AGAP1: variants seen among roughly 807,000 people sequenced by gnomAD.
AGAP1 encodes the protein arf-GAP with GTPase, ANK repeat and PH domain-containing protein 1.
A neutral mutation model predicts 105.3 loss-of-function variants in AGAP1; 29 were observed. That is an observed-to-expected ratio of 0.28 (90% CI 0.21 to 0.38). AGAP1 has a LOEUF of 0.38. Among genes scored for constraint, AGAP1 ranks in the 10% least tolerant of loss-of-function variants. AGAP1 has a pLI of 1.00. For synonymous variants in AGAP1, 509 were observed against 485.9 expected, an observed-to-expected ratio of 1.05 and a Z score of -0.63; for missense variants, 998 against 1,165.1, an observed-to-expected ratio of 0.86 and a Z score of 2.09.
chr2:235,523,360 T>C (rs1386256753), intron 1 of AGAP1, among the ~76,000 whole-genome samples: 1 of 152,200 alleles, frequency 6.6e-6, no homozygotes, highest in African/African-American at 2.4e-5. Context: ...CAGGAGGCTC[T>C]TGGGGAGAAA....
rs976282537 is a variant in AGAP1 at position 236,041,321 on chromosome 2, T to G, written c.1891+480T>G. ...TAATTGGTTCATTCCTGCCTAGAGA[T>G]TCTTGGGTATTGTTTTTTTAAATTC... is the stretch of plus-strand genomic sequence containing the variant. On this transcript the variant is annotated intron_variant, in intron 15 of 17. Coordinates refer to ENST00000304032, the MANE Select transcript of AGAP1 (RefSeq NM_001037131.3). Among the ~76,000 whole-genome samples, 63 of 152,106 alleles carry G rather than the reference T, an allele frequency of 4.1e-4. 1 individual carries two copies. The highest frequency in any genetic ancestry group is 8.8e-5 in the Non-Finnish European group (6 of 68,022).
chr2:235,905,011 C>T lies in AGAP1; in HGVS notation c.1156-3727C>T, dbSNP rs6729846. On this transcript the variant is annotated intron_variant, in intron 10 of 17. Transcript: ENST00000304032. The surrounding 1 kb of genome is among the most constrained non-coding windows in gnomAD (Gnocchi z 4.2). ...AGAGCTAGTTCTTCTGAGGTTGTAA[C>T]GCCTAACTCAGGCAAGAAAACAGAT... Among the ~76,000 whole-genome samples, 117,828 of 151,998 alleles carry T rather than the reference C, an allele frequency of 0.78. 45,773 individuals carry two copies. Among genetic ancestry groups the T allele is most frequent in the East Asian group, 0.98 (5,077 of 5,176 alleles).
Position 235,968,588 on chromosome 2 carries a change from A to C in AGAP1, c.1610A>C (p.Asn537Thr). Reference protein sequence around the residue: ...KKHRRKKSTSNFKADGLSGTA... With the variant: ...KKHRRKKSTSTFKADGLSGTA... Reference sequence around the variant, plus strand: ...CACCGAAGGAAGAAAAGCACTAGCAACTTCAAAGCCGACGGCCTGTCCGGC... The same window carrying C: ...CACCGAAGGAAGAAAAGCACTAGCACCTTCAAAGCCGACGGCCTGTCCGGC... Residue 537 changes from asparagine (N) to threonine (T), a missense_variant, in exon 13 of 18, where the codon AAC (asparagine) becomes ACC (threonine). Asn to Thr is a moderately conservative substitution (Grantham distance 65, BLOSUM62 0). Around this residue, in one of 3 missense-constraint regions of AGAP1, gnomAD observed 735 missense variants for 833.4 expected, o/e 0.88. Coordinates refer to ENST00000304032, the MANE Select transcript of AGAP1 (RefSeq NM_001037131.3). 7.0e-7 allele frequency: 1 copy of C among 1,434,372 alleles called. No individual in the cohort carries two copies. The highest frequency in any genetic ancestry group is 9.4e-7 in the Non-Finnish European group (1 of 1,068,134). 88.9% of individuals were successfully genotyped at this position (1,434,372 alleles called of 1,614,324 possible). A position where few individuals can be genotyped will look rare whatever the true frequency, so the allele number is the denominator to read the frequency against.
intron 1 of AGAP1, among the ~76,000 whole-genome samples, chr2:235,680,635 T>C (rs2149395865): frequency 1.3e-5 from 2 of 152,210 alleles, no homozygotes; most frequent in East Asian, 1.9e-4. Flanking sequence ...TGACTGGTGC[T>C]GACAGGGTGA....
At chr2:235,998,871 G>T (rs922423438) in intron 13 of AGAP1, among the ~76,000 whole-genome samples, 5 of 151,026 alleles carry the variant, frequency 3.3e-5, no homozygotes, top group East Asian at 2.0e-4. Context: ...GTGAGAGTTG[G>T]TGGTGGTGGT....
At chr2:235,759,384 T>C (rs1374814427) in intron 6 of AGAP1, among the ~76,000 whole-genome samples, 1 of 151,578 alleles carries the variant, frequency 6.6e-6, no homozygotes, top group African/African-American at 2.4e-5. Flanking sequence ...TTAGCCAGGA[T>C]GGTCTTGATC....
intron 12 of AGAP1, among the ~76,000 whole-genome samples, chr2:235,938,814 G>A (rs544578916): frequency 2.2e-4 from 33 of 152,242 alleles, no homozygotes; most frequent in African/African-American, 7.2e-4. Context: ...AACACCTAGC[G>A]TGGCTGAAAA....
intron 9 of AGAP1, among the ~76,000 whole-genome samples, chr2:235,810,762 G>T (rs557540609): frequency 8.6e-5 from 13 of 151,922 alleles, no homozygotes; most frequent in South Asian, 8.4e-4. Flanking sequence ...ATTTCTTGTG[G>T]ACCTGGGTCT....
Position 236,098,618 on chromosome 2 carries a change from TCC to T in AGAP1, c.2115-21573_2115-21572del, listed in dbSNP as rs1273164822. Among the ~76,000 whole-genome samples the T allele has an allele frequency of 5.6e-3, 491 of 86,928 alleles. 4 individuals carry two copies. The highest frequency in any genetic ancestry group is 0.024 in the Middle Eastern group (3 of 126). 57.0% of individuals were successfully genotyped at this position (86,928 alleles called of 152,430 possible). A position where few individuals can be genotyped will look rare whatever the true frequency, so the allele number is the denominator to read the frequency against. On this transcript the variant is annotated intron_variant, in intron 16 of 17. Transcript: ENST00000304032. ...TGGCTGACTTGATGAAATCTTTTTT[TCC>T]TTTTTTTTTTTTTTTTTTTAGAGAA...
intron 13 of AGAP1, among the ~76,000 whole-genome samples, chr2:236,004,302 G>A (rs991994322): frequency 1.3e-5 from 2 of 152,016 alleles, no homozygotes; most frequent in South Asian, 2.1e-4. Context: ...CAGCTTTACC[G>A]AACTTTGTCA....
intron 1 of AGAP1, among the ~76,000 whole-genome samples, chr2:235,564,804 G>C (rs373391035): frequency 2.6e-5 from 3 of 115,040 alleles, no homozygotes; most frequent in African/African-American, 7.0e-5. Context: ...GCCTGGACCA[G>C]CACCCACGGC....
rs558320183 is a variant in AGAP1, at chr2:236,056,326, G to A, written c.2114+7045G>A. 3.3e-5 allele frequency among the ~76,000 whole-genome samples: 5 copies of A among 152,280 alleles called. No homozygotes were observed. The highest frequency in any genetic ancestry group is 1.9e-4 in the East Asian group (1 of 5,180). ...TGTGCTTGGAGCCGGCTTTGCTACC[G>A]CAGAGCTGTCTAGGGTTGAAAATCC... On this transcript the variant is annotated intron_variant, in intron 16 of 17. Coordinates refer to ENST00000304032, the MANE Select transcript of AGAP1 (RefSeq NM_001037131.3). This position sits in a 1 kb window ranked among gnomAD's most constrained non-coding sequence, Gnocchi z 4.6.
At chr2:235,832,570 A>G (rs1378836617) in intron 9 of AGAP1, among the ~76,000 whole-genome samples, 1 of 152,232 alleles carries the variant, frequency 6.6e-6, no homozygotes, top group East Asian at 1.9e-4. Context: ...TATAAGTTAT[A>G]TATTGTAGAC....
rs1001257055 is a variant in AGAP1 at position 235,494,769 on chromosome 2, A to T, written c.83A>T (p.Tyr28Phe). 14 of 1,579,108 alleles carry T rather than the reference A, an allele frequency of 8.9e-6. No individual in the cohort carries two copies. The highest frequency in any genetic ancestry group is 1.2e-5 in the Non-Finnish European group (14 of 1,163,240). ...QRFESVHPNIYSIYELLERVE... is the reference protein window; with the variant it reads ...QRFESVHPNIFSIYELLERVE... Reference sequence around the variant, plus strand: ...TTCGAGTCGGTCCACCCCAACATCTACTCCATCTACGAGCTGCTGGAGCGC... The same window carrying T: ...TTCGAGTCGGTCCACCCCAACATCTTCTCCATCTACGAGCTGCTGGAGCGC... Residue 28 changes from tyrosine to phenylalanine, a missense_variant, in exon 1 of 18, where the codon TAC (tyrosine) becomes TTC (phenylalanine). Transcript: ENST00000304032.
chr2:235,569,976 G>A lies in AGAP1; in HGVS notation c.163+75127G>A, dbSNP rs1433275804. On this transcript the variant is annotated intron_variant, in intron 1 of 17. Coordinates refer to ENST00000304032, the MANE Select transcript of AGAP1 (RefSeq NM_001037131.3). This position sits in a 1 kb window ranked among gnomAD's most constrained non-coding sequence, Gnocchi z 5.9. ...AGGAAAACATGGTGTGACTGGCCCG[G>A]GATCCAAATTATTTGCAGCGCCTGT... 6.6e-6 allele frequency among the ~76,000 whole-genome samples: 1 copy of A among 152,124 alleles called. No individual in the cohort carries two copies. The highest frequency in any genetic ancestry group is 1.5e-5 in the Non-Finnish European group (1 of 68,012).
intron 1 of AGAP1, among the ~76,000 whole-genome samples, chr2:235,629,457 G>A (rs1946753610): frequency 6.6e-6 from 1 of 152,082 alleles, no homozygotes; most frequent in South Asian, 2.1e-4. Flanking sequence ...GTCAGACACC[G>A]TAGACCAAGA....
chr2:235,969,268 T>C (rs1057351920), intron 13 of AGAP1, among the ~76,000 whole-genome samples: 1 of 151,968 alleles, frequency 6.6e-6, no homozygotes, highest in Non-Finnish European at 1.5e-5. Context: ...TTTTTTTTTT[T>C]AATTCATAGA....
intron 14 of AGAP1, among the ~76,000 whole-genome samples, chr2:236,039,523 C>T (rs6431420): frequency 0.24 from 36,177 of 152,160 alleles, 5,054 homozygotes; most frequent in African/African-American, 0.38. Flanking sequence ...AGTAAATAAT[C>T]ATGAGTGTGT....
chr2:235,579,186 C>T (rs998067937), intron 1 of AGAP1, among the ~76,000 whole-genome samples: 2 of 152,180 alleles, frequency 1.3e-5, no homozygotes, highest in Non-Finnish European at 2.9e-5. Flanking sequence ...AGCCCCTGCC[C>T]ACTGAGGGCT....
Sources: allele counts gnomAD v4.1 joint callset (sites outside exome capture counted in the v4.1 genomes callset), GRCh38; gene constraint gnomAD v4.1.1; regional missense constraint gnomAD v4.1.1; non-coding constraint Gnocchi (gnomAD v3.1); transcripts MANE v1.5; gene names NCBI Gene and HGNC (gene_info 2026-07-23, HGNC 2026-07-21).